LUC7L: variants seen among roughly 807,000 people sequenced by gnomAD.
LUC7L encodes the protein LUC7 like, also known as putative RNA-binding protein Luc7-like 1.
LUC7L carries 29 observed loss-of-function variants against 51.1 expected under a neutral mutation model. That is an observed-to-expected ratio of 0.57 (90% CI 0.42 to 0.77). The LOEUF is 0.77. LUC7L is among the 30% of genes least tolerant of loss of function. The probability of loss-of-function intolerance (pLI) is 0.00; values close to 1 mark genes in which losing one functional copy is unlikely to be tolerated. For missense variants in LUC7L, 403 were observed against 511.9 expected (o/e 0.79, Z 2.05); for synonymous variants, 181 against 180.7 (o/e 1.00, Z -0.01).
intron 5 of LUC7L, among the ~76,000 whole-genome samples, chr16:202,259 GAGA>G (rs2049355510): frequency 6.6e-6 from 1 of 152,016 alleles, no homozygotes; most frequent in African/African-American, 2.4e-5. Context: ...GTGAGACAGA[GAGA>G]AGGACCTAGG....
In LUC7L at chr16:199,247, G is replaced by A. The variant is rs748199671; in HGVS notation, c.511-9C>T. ...GAATTTCTGTATTCTTCCTGAAGAAGGAAAATGGAGAAATAAAAGTGAGGT... is the reference window on the plus strand; with the variant it reads ...GAATTTCTGTATTCTTCCTGAAGAAAGAAAATGGAGAAATAAAAGTGAGGT... On this transcript the variant is annotated splice_polypyrimidine_tract_variant and intron_variant, in intron 5 of 9. Transcript: ENST00000293872. 6.3e-7 allele frequency: 1 copy of A among 1,575,202 alleles called. No individual in the cohort carries two copies. Among genetic ancestry groups the A allele is most frequent in the East Asian group, 2.3e-5 (1 of 43,912 alleles).
chr16:204,279 A>T (rs575610940), intron 5 of LUC7L, among the ~76,000 whole-genome samples: 39 of 147,172 alleles, frequency 2.6e-4, no homozygotes, highest in African/African-American at 9.6e-4. Flanking sequence ...CCCCATCCCT[A>T]CTAGAAATGA....
intron 7 of LUC7L, 69 bp from the exon 8 acceptor site, chr16:190,639 G>C: frequency 7.0e-7 from 1 of 1,438,818 alleles, no homozygotes; most frequent in East Asian, 2.3e-5. Context: ...CAGCACTTCG[G>C]GGAGGCCTAG....
chr16:222,520 C>CCCAG (rs1371705747), intron 2 of LUC7L, among the ~76,000 whole-genome samples: 1 of 151,928 alleles, frequency 6.6e-6, no homozygotes, highest in East Asian at 1.9e-4. Context: ...TGCCTGTAGT[C>CCCAG]CCAGCCACTT....
chr16:197,238 G>A (rs918798038), intron 6 of LUC7L, among the ~76,000 whole-genome samples: 5 of 137,364 alleles, frequency 3.6e-5, no homozygotes, highest in African/African-American at 1.4e-4. Flanking sequence ...TTTTGAGACG[G>A]AGTCTTGCTC....
chr16:226,761 G>A (rs1208475976), intron 2 of LUC7L, among the ~76,000 whole-genome samples: 2 of 152,156 alleles, frequency 1.3e-5, no homozygotes, highest in Non-Finnish European at 2.9e-5. Context: ...GCCCTATTTA[G>A]TTGTGAATAT....
chr16:229,351 G>A lies in LUC7L; in HGVS notation c.-12C>T, dbSNP rs377574098. The stretch of plus-strand genomic sequence containing the variant: ...GCCTGGGCGGACATGGTAGCCGGCG[G>A]AGGCGACGGGGTCGGCCGCGACGAC... On this transcript the variant is annotated 5_prime_UTR_variant, in exon 1 of 10. Transcript: ENST00000293872. The A allele has an allele frequency of 6.7e-7, 1 of 1,497,672 alleles. No individual in the cohort carries two copies. The highest frequency in any genetic ancestry group is 1.2e-5 in the South Asian group (1 of 80,452). 92.8% of individuals were successfully genotyped at this position (1,497,672 alleles called of 1,614,324 possible).
chr16:192,857 C>T, intron 7 of LUC7L, 70 bp downstream of exon 7: 1 of 1,327,208 alleles, frequency 7.5e-7, no homozygotes, highest in South Asian at 1.2e-5. Flanking sequence ...TTCCAAGCAA[C>T]AGTGGAATGG....
At chr16:198,579 T>TC (rs1168958751) in intron 6 of LUC7L, among the ~76,000 whole-genome samples, 1 of 152,182 alleles carries the variant, frequency 6.6e-6, no homozygotes, top group Non-Finnish European at 1.5e-5. Context: ...AAAATAAATC[T>TC]CCAAGGCTCC....
intron 3 of LUC7L, among the ~76,000 whole-genome samples, chr16:216,286 G>A (rs1400646870): frequency 2.0e-5 from 3 of 151,878 alleles, no homozygotes; most frequent in Non-Finnish European, 4.4e-5. Flanking sequence ...AGAGGTGTGA[G>A]CCACAGGGCC....
At chr16:191,515 C>T (rs1394182686) in intron 7 of LUC7L, among the ~76,000 whole-genome samples, 31 of 152,328 alleles carry the variant, frequency 2.0e-4, no homozygotes, top group Non-Finnish European at 1.5e-5. Flanking sequence ...TTCTTCTATA[C>T]TGTTTAAGTT....
intron 3 of LUC7L, among the ~76,000 whole-genome samples, chr16:211,193 G>A (rs985148925): frequency 3.3e-5 from 5 of 152,206 alleles, no homozygotes; most frequent in South Asian, 2.1e-4. Context: ...TTAGCCAGGC[G>A]TGGTGGCGGG....
intron 2 of LUC7L, among the ~76,000 whole-genome samples, chr16:222,699 C>T (rs1206429500): frequency 1.3e-5 from 2 of 150,128 alleles, no homozygotes; most frequent in Middle Eastern, 3.4e-3. Context: ...AGTGCAATCT[C>T]GGCTCACCGC....
At chr16:220,851 T>C (rs2049945437) in intron 2 of LUC7L, 104 bp from the exon 3 acceptor site, 2 of 722,102 alleles carry the variant, frequency 2.8e-6, no homozygotes, top group South Asian at 1.7e-5. Context: ...ATGATCACTT[T>C]TGGAACACTG....
At chr16:193,635 T>C (rs1431385160) in intron 6 of LUC7L, among the ~76,000 whole-genome samples, 2 of 151,728 alleles carry the variant, frequency 1.3e-5, no homozygotes, top group East Asian at 2.0e-4. Flanking sequence ...TAGCTGGGAT[T>C]ACAAGCGTGC....
At chr16:200,208 G>C (rs905348707) in intron 5 of LUC7L, among the ~76,000 whole-genome samples, 20 of 151,536 alleles carry the variant, frequency 1.3e-4, no homozygotes, top group Admixed American at 6.6e-4. Context: ...GAATCATGGG[G>C]TCAGGAGATC....
At chr16:207,998 G>T (rs1013578302) in intron 4 of LUC7L, 80 bp downstream of exon 4, 3 of 930,480 alleles carry the variant, frequency 3.2e-6, no homozygotes, top group South Asian at 1.6e-5. Context: ...GACAGAGGGA[G>T]ACTCCATCTC....
At chr16:210,242 G>A (rs931861924) in intron 3 of LUC7L, among the ~76,000 whole-genome samples, 5 of 152,084 alleles carry the variant, frequency 3.3e-5, no homozygotes, top group Non-Finnish European at 5.9e-5. Flanking sequence ...AACTGAGATC[G>A]CGCCATTGCA....
rs989901182 is a variant in LUC7L at position 220,800 on chromosome 16, G to C, written c.157-53C>G. ...CCTCAGTGCCTACCTACTGTAGAAAGCACACAACGCGACTTGGTGTTTCAA... is the reference window on the plus strand; with the variant it reads ...CCTCAGTGCCTACCTACTGTAGAAACCACACAACGCGACTTGGTGTTTCAA... On this transcript the variant is annotated intron_variant, in intron 2 of 9. Coordinates refer to ENST00000293872, the MANE Select transcript of LUC7L (RefSeq NM_201412.3). 4 of 1,151,228 alleles carry C rather than the reference G, an allele frequency of 3.5e-6. No individual in the cohort carries two copies. The African/African-American group carries it at 6.1e-5, about 18-fold the overall frequency. The allele number at this position is 1,151,228 out of a possible 1,614,324, so 71.3% of individuals were successfully genotyped here.
Sources: allele counts gnomAD v4.1 joint callset (sites outside exome capture counted in the v4.1 genomes callset), GRCh38; gene constraint gnomAD v4.1.1; transcripts MANE v1.5; gene names NCBI Gene and HGNC (gene_info 2026-07-23, HGNC 2026-07-21).